Variants in FLT1 observed in about 807,000 individuals in gnomAD.
FLT1 encodes fms related receptor tyrosine kinase 1.
FLT1 carries 49 observed loss-of-function variants against 156.3 expected under a neutral mutation model. The observed-to-expected ratio is 0.31, with a 90% CI of 0.25 to 0.40. The LOEUF (loss-of-function observed/expected upper bound fraction) is 0.40. Ranked by LOEUF, FLT1 falls within the 10% of genes least tolerant of loss-of-function variation. The pLI is 1.00. For synonymous variants in FLT1, 594 were observed against 583.8 expected, an observed-to-expected ratio of 1.02 and a Z score of -0.25; for missense variants, 1,322 against 1,637.2, an observed-to-expected ratio of 0.81 and a Z score of 3.32.
chr13:28,458,075 T>C (rs1388897590), intron 3 of FLT1, among the ~76,000 whole-genome samples: 1 of 151,766 alleles, frequency 6.6e-6, no homozygotes, highest in Non-Finnish European at 1.5e-5. Context: ...GCTGGGACTA[T>C]ACACATGCGC....
intron 10 of FLT1, among the ~76,000 whole-genome samples, chr13:28,426,084 T>G (rs1466136254): frequency 6.6e-6 from 1 of 152,034 alleles, no homozygotes; most frequent in African/African-American, 2.4e-5. Flanking sequence ...TAGCCACTTC[T>G]ATCTGTTTAT....
intron 1 of FLT1, among the ~76,000 whole-genome samples, chr13:28,471,591 C>T (rs952994200): frequency 1.1e-4 from 16 of 152,128 alleles, no homozygotes; most frequent in Non-Finnish European, 1.3e-4. Flanking sequence ...ATAGTCATAG[C>T]ATGGGGAAGT....
intron 10 of FLT1, among the ~76,000 whole-genome samples, chr13:28,412,350 C>CTTTCCTTTCTTTT (rs71086853): frequency 6.4e-5 from 6 of 93,708 alleles, no homozygotes; most frequent in African/African-American, 2.3e-4. Flanking sequence ...TTCTTTCTTT[C>CTTTCCTTTCTTTT]TCTTTCTTTC....
intron 15 of FLT1, 72 bp from the exon 16 acceptor site, chr13:28,345,623 A>G (rs1345430522): frequency 6.3e-6 from 6 of 957,078 alleles, no homozygotes; most frequent in Non-Finnish European, 9.9e-6. Flanking sequence ...GTGGTTTTAT[A>G]AAAGAGGCTC....
At chr13:28,318,848 C>T (rs9319425) in intron 24 of FLT1, among the ~76,000 whole-genome samples, 82,668 of 151,998 alleles carry the variant, frequency 0.54, 22,507 homozygotes, top group Middle Eastern at 0.59. Context: ...ACAGGACTTC[C>T]AGCCACCCAT....
intron 10 of FLT1, among the ~76,000 whole-genome samples, chr13:28,419,775 A>T (rs938491303): frequency 3.9e-5 from 6 of 152,176 alleles, no homozygotes; most frequent in Admixed American, 3.9e-4. Context: ...GCTACTTGGG[A>T]GGCTGAGGCA....
chr13:28,416,872 A>T (rs1337986248), intron 10 of FLT1, among the ~76,000 whole-genome samples: 1 of 152,232 alleles, frequency 6.6e-6, no homozygotes, highest in African/African-American at 2.4e-5. Context: ...ATAATTTTCA[A>T]TGATGATGAC....
At chr13:28,346,750 G>C (rs1872581251) in intron 15 of FLT1, among the ~76,000 whole-genome samples, 3 of 152,174 alleles carry the variant, frequency 2.0e-5, no homozygotes. Context: ...CAGACAGATA[G>C]ATGTTTATAT....
At chr13:28,345,207 T>C (rs74043717) in intron 16 of FLT1, among the ~76,000 whole-genome samples, 2,591 of 152,284 alleles carry the variant, frequency 0.017, 93 homozygotes, top group African/African-American at 0.059. Context: ...CAAAAATACC[T>C]TCTGTCCCTG....
chr13:28,357,868 C>CTTTTTTTTTTTTTTTTTTTTTTTTT (rs57304530), intron 14 of FLT1, among the ~76,000 whole-genome samples, 183 bp from the exon 15 acceptor site: 7 of 104,732 alleles, frequency 6.7e-5, no homozygotes, highest in African/African-American at 2.2e-4. Flanking sequence ...CTTTTCTTTC[C>CTTTTTTTTTTTTTTTTTTTTTTTTT]TTTTTTTTTT....
intron 12 of FLT1, among the ~76,000 whole-genome samples, chr13:28,393,250 A>G (rs1466565499): frequency 6.6e-6 from 1 of 152,122 alleles, no homozygotes; most frequent in African/African-American, 2.4e-5. Context: ...AGTGTCATCT[A>G]TTTATAAAGG....
At chr13:28,351,592 T>C (rs1171032724) in intron 15 of FLT1, among the ~76,000 whole-genome samples, 1 of 152,220 alleles carries the variant, frequency 6.6e-6, no homozygotes, top group Non-Finnish European at 1.5e-5. Flanking sequence ...TAGGAATCTA[T>C]GTACACCAAT....
intron 9 of FLT1, 114 bp downstream of exon 9, chr13:28,427,638 T>C (rs1877425265): frequency 3.1e-6 from 3 of 966,692 alleles, no homozygotes; most frequent in African/African-American, 3.2e-5. Flanking sequence ...TTTTTTCAAA[T>C]GATTATTTGA....
chr13:28,356,755 AC>A (rs1872913220), intron 15 of FLT1, among the ~76,000 whole-genome samples: 1 of 152,250 alleles, frequency 6.6e-6, no homozygotes, highest in Non-Finnish European at 1.5e-5. Context: ...AGGCTACTGA[AC>A]AAATACCATC....
chr13:28,473,019 A>T (rs1880261635), intron 1 of FLT1, among the ~76,000 whole-genome samples: 1 of 152,212 alleles, frequency 6.6e-6, no homozygotes, highest in South Asian at 2.1e-4. Flanking sequence ...ATCATTATTC[A>T]TCAGGAACAT....
intron 10 of FLT1, among the ~76,000 whole-genome samples, chr13:28,418,468 C>T (rs893250707): frequency 6.6e-6 from 1 of 152,230 alleles, no homozygotes; most frequent in Admixed American, 6.5e-5. Flanking sequence ...TCCCTGCAGA[C>T]TTCAGCTCTT....
intron 10 of FLT1, among the ~76,000 whole-genome samples, chr13:28,412,365 T>TTTCTTTCTTTCTTTCTTTCCTTCCTTCC (rs1876303112): frequency 1.0e-5 from 1 of 95,310 alleles, no homozygotes; most frequent in African/African-American, 3.3e-5. Flanking sequence ...TCTTTCTTTC[T>TTTCTTTCTTTCTTTCTTTCCTTCCTTCC]TTCTTTCTTT....
At chr13:28,306,347 C>A (rs1052652487) in intron 29 of FLT1, among the ~76,000 whole-genome samples, 3 of 151,986 alleles carry the variant, frequency 2.0e-5, no homozygotes, top group Non-Finnish European at 4.4e-5. Flanking sequence ...CGGGGGCATC[C>A]TCTCCCACCG....
At chr13:28,423,777 G>T (rs961604490) in intron 10 of FLT1, among the ~76,000 whole-genome samples, 1 of 152,144 alleles carries the variant, frequency 6.6e-6, no homozygotes, top group African/African-American at 2.4e-5. Context: ...ATGCTCTCTG[G>T]CTTTTTGCTC....
Sources: allele counts gnomAD v4.1 joint callset (sites outside exome capture counted in the v4.1 genomes callset), GRCh38; gene constraint gnomAD v4.1.1; transcripts MANE v1.5; gene names NCBI Gene and HGNC (gene_info 2026-07-23, HGNC 2026-07-21).